The following ASB10 variants were observed in gnomAD, a reference collection of about 807,000 sequenced individuals.
The protein encoded by ASB10 is ankyrin repeat and SOCS box protein 10.
In ASB10, 44 loss-of-function variants were observed where a neutral mutation model predicts 35.4. The ratio of observed to expected loss-of-function variants is 1.24; its 90% CI spans 0.98 to 1.60. The LOEUF is 1.60. ASB10 is among the 40% of genes most tolerant of loss of function. ASB10 has a pLI of 0.00. For synonymous variants in ASB10, 294 were observed against 280.4 expected (o/e 1.05, Z -0.49); for missense variants, 647 against 634.3 (o/e 1.02, Z -0.22).
intron 4 of ASB10, 76 bp downstream of exon 4, chr7:151,176,487 G>A (rs1004114604): frequency 6.7e-7 from 1 of 1,489,404 alleles, no homozygotes; most frequent in Middle Eastern, 1.8e-4. Context: ...TACTTTCTAT[G>A]GGGGGCTGCG....
At position 151,176,114 on chromosome 7, in the gene ASB10, A is replaced by G. The variant is rs1424128455; in HGVS notation, c.1402T>C (p.Ter468GlnextTer6). The G allele has an allele frequency of 7.4e-6, 12 of 1,610,976 alleles. No individual in the cohort carries two copies. Among genetic ancestry groups the G allele is most frequent in the South Asian group, 1.1e-5 (1 of 90,984 alleles). ...LQLDFEGVLY[*>Q] is the part of the protein sequence containing the mutation. ...TGCTCACAGATCCCGGGGCTCACCT[A>G]GTAGAGCACGCCCTCAAAATCCAGC... The change falls in exon 5 of 6, where the codon TAG becomes CAG. Residue 468 changes from the stop codon to glutamine, a stop_lost and splice_region_variant. Coordinates refer to ENST00000420175, the MANE Select transcript of ASB10 (RefSeq NM_001142459.2).
rs1486298590 is a variant in ASB10, at chr7:151,176,124, G to T, written c.1392C>A (p.Gly464=). 2 of 1,611,302 alleles carry T rather than the reference G, an allele frequency of 1.2e-6. No homozygotes were observed. The highest frequency in any genetic ancestry group is 1.7e-6 in the Non-Finnish European group (2 of 1,179,760). ...LLRYLQLDFE[G]VLY ...TCCCGGGGCTCACCTAGTAGAGCAC[G>T]CCCTCAAAATCCAGCTGCAGGTAGC... Residue 464 remains glycine (G), a synonymous_variant, in exon 5 of 6, where the codon GGC becomes GGA. Transcript: ENST00000420175.
chr7:151,187,659 G>T, upstream of ASB10: 1 of 1,521,058 alleles, frequency 6.6e-7, no homozygotes, highest in Non-Finnish European at 8.9e-7. This position sits in a 1 kb window ranked among gnomAD's most constrained non-coding sequence, Gnocchi z 5.3. Context: ...CGGCAGGCCG[G>T]GGCGGAGGGA....
chr7:151,182,691 G>A (rs991316796), intron 2 of ASB10, among the ~76,000 whole-genome samples: 3 of 152,218 alleles, frequency 2.0e-5, no homozygotes, highest in South Asian at 2.1e-4. Flanking sequence ...CAGGGCTAAC[G>A]GGACTTGGCC....
intron 4 of ASB10, 65 bp from the exon 5 acceptor site, chr7:151,176,362 C>T: frequency 6.7e-7 from 1 of 1,503,234 alleles, no homozygotes; most frequent in African/African-American, 1.4e-5. Flanking sequence ...CTCCTCCTCA[C>T]AGGGTAGGCT....
chr7:151,186,267 T>G, intron 2 of ASB10, 125 bp downstream of exon 2: 2 of 1,245,600 alleles, frequency 1.6e-6, no homozygotes, highest in Non-Finnish European at 2.2e-6. Context: ...AATTGCACCC[T>G]GACCCGCGCC....
intron 4 of ASB10, 133 bp from the exon 5 acceptor site, chr7:151,176,430 G>A (rs1801389752): frequency 6.9e-7 from 1 of 1,459,538 alleles, no homozygotes; most frequent in Admixed American, 2.6e-5. Context: ...ATGTTTGAGT[G>A]TTCACTCTGC....
chr7:151,187,040 G>T lies in ASB10; in HGVS notation c.91C>A (p.Pro31Thr), dbSNP rs767293286. Reference protein sequence around the residue: ...HPLCARLVEKPSRGSEEHLKS... With the variant: ...HPLCARLVEKTSRGSEEHLKS... ...AGGTGCTCCTCAGACCCTCTGCTGG[G>T]CTTCTCCACCAGCCTGGCACAGAGG... The change falls in exon 1 of 6, where the codon CCC becomes ACC. Residue 31 changes from proline (P) to threonine (T), a missense_variant. By Grantham distance (38) the Pro-to-Thr change is conservative (BLOSUM62 -1). Transcript: ENST00000420175. This position sits in a 1 kb window ranked among gnomAD's most constrained non-coding sequence, Gnocchi z 5.3. 8 of 1,610,506 alleles carry T rather than the reference G, an allele frequency of 5.0e-6. No individual in the cohort carries two copies. In the Admixed American group the frequency reaches 1.2e-4, roughly 24 times the overall value.
At chr7:151,185,823 G>A (rs1338180769) in intron 2 of ASB10, among the ~76,000 whole-genome samples, 2 of 152,222 alleles carry the variant, frequency 1.3e-5, no homozygotes, top group Non-Finnish European at 2.9e-5. Flanking sequence ...GTATTCATCA[G>A]TTTCTTGGGA....
intron 3 of ASB10, 68 bp downstream of exon 3, chr7:151,180,871 G>C: frequency 7.0e-7 from 1 of 1,425,650 alleles, no homozygotes; most frequent in Non-Finnish European, 9.2e-7. Flanking sequence ...AAAGCAAACC[G>C]GAGCACAGGC....
In ASB10 at chr7:151,186,650, G is replaced by A. The variant is rs1297696361; in HGVS notation, c.326C>T (p.Ser109Phe). 6 of 1,608,750 alleles carry A rather than the reference G, an allele frequency of 3.7e-6. No individual in the cohort carries two copies. In the Admixed American group the frequency reaches 1.0e-4, roughly 27 times the overall value. ...GGTCAGCTCCTCTTCGTATGTCAGA[G>A]ACCAGAGTCCTAGGGAGGGGAGACG... The part of the protein sequence containing the change: ...RFNIRALRLW[S>F]LTYEEELTTP... The change falls in exon 2 of 6, where the codon TCT becomes TTT. Residue 109 changes from serine to phenylalanine, a missense_variant. Ser to Phe is a radical substitution (Grantham distance 155). Coordinates refer to ENST00000420175, the MANE Select transcript of ASB10 (RefSeq NM_001142459.2).
At chr7:151,176,539 A>G in intron 4 of ASB10, 24 bp downstream of exon 4, 1 of 1,540,946 alleles carries the variant, frequency 6.5e-7, no homozygotes, top group African/African-American at 1.4e-5. Flanking sequence ...GAGAAGCTCT[A>G]TGTTCAGGGC....
At chr7:151,185,439 G>A (rs115454666) in intron 2 of ASB10, among the ~76,000 whole-genome samples, 2,985 of 152,026 alleles carry the variant, frequency 0.02, 102 homozygotes, top group African/African-American at 0.067. Flanking sequence ...TTTTTTATAG[G>A]GCTGCTAGAA....
chr7:151,182,615 G>A (rs569453956), intron 2 of ASB10, among the ~76,000 whole-genome samples: 2 of 152,216 alleles, frequency 1.3e-5, no homozygotes, highest in East Asian at 3.9e-4. Context: ...ACTGAAATTG[G>A]CCAACTGGAT....
chr7:151,186,816 CAG>C lies in ASB10; in HGVS notation c.313_314del (p.Leu105GlufsTer73). 6.3e-7 allele frequency: 1 copy of C among 1,589,796 alleles called. No homozygotes were observed. Among genetic ancestry groups the C allele is most frequent in the Non-Finnish European group, 8.6e-7 (1 of 1,164,630 alleles). ...WRDFRFNIRA[L>X]RLWSLTYEEE... The stretch of plus-strand genomic sequence containing the variant: ...AGCCCCCAGTGCCCCGGCCCGTACT[CAG>C]AGCACGGATGTTGAAGCGGAAATCC... On this transcript the variant is annotated frameshift_variant and splice_region_variant, in exon 1 of 6. Coordinates refer to ENST00000420175, the MANE Select transcript of ASB10 (RefSeq NM_001142459.2). LOFTEE classifies it high-confidence loss of function.
At chr7:151,178,680 G>T (rs1010588327) in intron 3 of ASB10, among the ~76,000 whole-genome samples, 1 of 152,202 alleles carries the variant, frequency 6.6e-6, no homozygotes, top group Non-Finnish European at 1.5e-5. Flanking sequence ...TCTGTCAGAC[G>T]AGAGTACCAA....
rs104886474 is a variant in ASB10 at position 151,181,424 on chromosome 7, C to G, written c.619G>C (p.Val207Leu). Residue 207 changes from valine (V) to leucine (L), a missense_variant, in exon 3 of 6, where the codon GTG becomes CTG. Val to Leu is a conservative substitution (Grantham distance 32). Coordinates refer to ENST00000420175, the MANE Select transcript of ASB10 (RefSeq NM_001142459.2). ...TCTTCTTCCTCGGACCGACCATCCA[C>G]TCTCGCTCCAAACCTGAGGAGCAGC... ...AELLLRFGAR[V>L]DGRSEEEEET... 3,141 of 1,606,730 alleles carry G rather than the reference C, an allele frequency of 2.0e-3. 7 individuals are homozygous for G. The highest frequency in any genetic ancestry group is 2.5e-3 in the Non-Finnish European group (2,902 of 1,175,538).
At chr7:151,184,016 C>T (rs1420804763) in intron 2 of ASB10, among the ~76,000 whole-genome samples, 2 of 152,132 alleles carry the variant, frequency 1.3e-5, no homozygotes, top group African/African-American at 4.8e-5. Flanking sequence ...CTCCCAATAG[C>T]CAAAATGTGG....
chr7:151,187,634 T>C (rs1011235895), upstream of ASB10: 1 of 1,536,636 alleles, frequency 6.5e-7, no homozygotes, highest in Non-Finnish European at 8.8e-7. This position sits in a 1 kb window ranked among gnomAD's most constrained non-coding sequence, Gnocchi z 5.3. Flanking sequence ...TGGGCGGGAG[T>C]GGGGCCTCCA....
Sources: allele counts gnomAD v4.1 joint callset (sites outside exome capture counted in the v4.1 genomes callset), GRCh38; gene constraint gnomAD v4.1.1; non-coding constraint Gnocchi (gnomAD v3.1); transcripts MANE v1.5; gene names NCBI Gene and HGNC (gene_info 2026-07-23, HGNC 2026-07-21).